NRG4: variants seen among roughly 807,000 people sequenced by gnomAD.
The protein encoded by NRG4 is neuregulin 4.
Under a neutral mutation model 15.0 loss-of-function variants are expected in NRG4, and 10 were observed. The observed-to-expected ratio is 0.67, with a 90% CI of 0.41 to 1.13. The LOEUF (loss-of-function observed/expected upper bound fraction) is 1.13, where lower values mean the gene tolerates loss of function less well. Ranked by LOEUF, NRG4 falls within the 50% of genes most tolerant of loss-of-function variation. The probability of loss-of-function intolerance (pLI) is 0.00; values close to 1 mark genes in which losing one functional copy is unlikely to be tolerated. For missense variants in NRG4, 139 were observed against 140.2 expected (o/e 0.99, Z 0.04); for synonymous variants, 41 against 50.1 (o/e 0.82, Z 0.77).
chr15:75,974,672 G>A (rs1364892691), intron 3 of NRG4, among the ~76,000 whole-genome samples: 1 of 152,164 alleles, frequency 6.6e-6, no homozygotes, highest in African/African-American at 2.4e-5. Context: ...GTGGCTTTGA[G>A]TGAGTTTCTT....
intron 5 of NRG4, among the ~76,000 whole-genome samples, chr15:75,944,924 AAAC>A (rs911309388): frequency 2.6e-5 from 4 of 151,776 alleles, no homozygotes; most frequent in African/African-American, 9.7e-5. Flanking sequence ...TCTTACAAAA[AAAC>A]AACAGTAATT....
intron 5 of NRG4, among the ~76,000 whole-genome samples, chr15:76,017,468 G>T (rs1048121091): frequency 1.6e-4 from 25 of 152,062 alleles, no homozygotes; most frequent in African/African-American, 6.0e-4. Flanking sequence ...TGCAGTGGCT[G>T]TACCAGTTTT....
In NRG4 at chr15:75,963,197, G is replaced by T. The variant is rs751992680; in HGVS notation, c.105-1223C>A. On this transcript the variant is annotated intron_variant, in intron 3 of 5. Coordinates refer to ENST00000394907, the MANE Select transcript of NRG4 (RefSeq NM_138573.4). Reference sequence around the variant, plus strand: ...ATGAACTTCAAGTCCTACTCAATGTGAGGCAGTGATGTGATTGGTGATAGC... The same window carrying T: ...ATGAACTTCAAGTCCTACTCAATGTTAGGCAGTGATGTGATTGGTGATAGC... Among the ~76,000 whole-genome samples, 6 of 152,312 alleles carry T rather than the reference G, an allele frequency of 3.9e-5. No individual in the cohort carries two copies. In the South Asian group the frequency reaches 1.2e-3, roughly 32 times the overall value.
At chr15:75,994,168 T>G (rs1228609388) in intron 3 of NRG4, among the ~76,000 whole-genome samples, 1 of 152,226 alleles carries the variant, frequency 6.6e-6, no homozygotes, top group South Asian at 2.1e-4. Context: ...TTGGCTTAAC[T>G]GAAACTCTAA....
intron 3 of NRG4, among the ~76,000 whole-genome samples, chr15:76,006,635 A>G (rs2034617360): frequency 6.6e-6 from 1 of 152,164 alleles, no homozygotes; most frequent in South Asian, 2.1e-4. Flanking sequence ...CTTGCTATCC[A>G]TCATGAACCC....
intron 5 of NRG4, among the ~76,000 whole-genome samples, chr15:76,020,330 G>C (rs2035114815): frequency 6.6e-6 from 1 of 152,208 alleles, no homozygotes. Flanking sequence ...AAATGATTAA[G>C]TTTAGTGAGG....
chr15:76,027,107 C>T (rs890117467), intron 5 of NRG4, among the ~76,000 whole-genome samples: 19 of 151,956 alleles, frequency 1.3e-4, no homozygotes, highest in Admixed American at 3.3e-4. Flanking sequence ...AGGGACAGAG[C>T]GGGACTCCAT....
At chr15:75,962,158 G>T (rs2032553775) in intron 3 of NRG4, among the ~76,000 whole-genome samples, 184 bp from the exon 4 acceptor site, 1 of 152,118 alleles carries the variant, frequency 6.6e-6, no homozygotes, top group Non-Finnish European at 1.5e-5. Flanking sequence ...ATGCAAATTT[G>T]TTATAATAAA....
At chr15:75,966,341 T>A (rs764162726) in intron 3 of NRG4, among the ~76,000 whole-genome samples, 4 of 152,234 alleles carry the variant, frequency 2.6e-5, no homozygotes, top group Admixed American at 6.5e-5. Context: ...ATTTCCATGC[T>A]TGTTGGCTAT....
At chr15:76,047,173 G>A (rs918010752) in intron 4 of NRG4, among the ~76,000 whole-genome samples, 1 of 150,766 alleles carries the variant, frequency 6.6e-6, no homozygotes, top group Non-Finnish European at 1.5e-5. Flanking sequence ...TACTGTTGGT[G>A]GGAATGTAAA....
At chr15:76,036,860 C>T (rs1203649030) in intron 4 of NRG4, among the ~76,000 whole-genome samples, 1 of 151,876 alleles carries the variant, frequency 6.6e-6, no homozygotes, top group Admixed American at 6.6e-5. Context: ...TACTGTTATT[C>T]GACATAATAC....
downstream of NRG4, chr15:75,937,489 A>G (rs891882112): frequency 7.7e-6 from 1 of 130,246 alleles, no homozygotes; most frequent in African/African-American, 2.9e-5. Context: ...AGCCTGGGCA[A>G]TGGAGCAAGA....
intron 5 of NRG4, among the ~76,000 whole-genome samples, chr15:75,946,847 C>A (rs1030654453): frequency 6.6e-6 from 1 of 152,220 alleles, no homozygotes; most frequent in Non-Finnish European, 1.5e-5. Flanking sequence ...CTTAGCACGT[C>A]TTCAGGATTC....
At chr15:76,014,635 TC>T (rs1167779047), upstream of NRG4, among the ~76,000 whole-genome samples, 1 of 152,230 alleles carries the variant, frequency 6.6e-6, no homozygotes, top group Non-Finnish European at 1.5e-5. Context: ...GTCAGGTTTG[TC>T]AAAGATCAGA....
rs139349373 is a variant in NRG4, at chr15:75,963,857, C to T, written c.105-1883G>A. 1.2e-3 allele frequency among the ~76,000 whole-genome samples: 186 copies of T among 151,520 alleles called. 2 individuals carry two copies. In the East Asian group the frequency reaches 0.032, roughly 26 times the overall value. ...ACTCTGGAGGCTGAGGTGGGAAGAT[C>T]GCTTAAGCCTAGGACTTTGAGGTTG... On this transcript the variant is annotated intron_variant, in intron 3 of 5. Transcript: ENST00000394907.
chr15:75,947,120 T>C (rs894522576), intron 5 of NRG4, among the ~76,000 whole-genome samples: 21 of 152,204 alleles, frequency 1.4e-4, no homozygotes, highest in African/African-American at 4.1e-4. Context: ...CAAGCAAAGC[T>C]ATCTCCAGTA....
intron 4 of NRG4, among the ~76,000 whole-genome samples, chr15:75,956,474 T>A (rs2032249122): frequency 6.6e-6 from 1 of 150,600 alleles, no homozygotes. Context: ...GTACATCAGG[T>A]TTTTCAGTCA....
intron 3 of NRG4, among the ~76,000 whole-genome samples, chr15:75,983,893 A>G (rs2033696498): frequency 6.6e-6 from 1 of 152,218 alleles, no homozygotes; most frequent in Non-Finnish European, 1.5e-5. Flanking sequence ...ATGTTATCCC[A>G]ATATCTATAG....
rs140837252 is a variant in NRG4 at position 75,953,830 on chromosome 15, A to T, written c.331+2102T>A. On this transcript the variant is annotated intron_variant, in intron 5 of 5. Transcript: ENST00000394907. The stretch of plus-strand genomic sequence containing the variant: ...ACCTCCCAGGTAGCTGGGACTACAG[A>T]TATGCACCATCATGCCCAGCTAATT... 8.2e-3 allele frequency among the ~76,000 whole-genome samples: 1,253 copies of T among 152,150 alleles called. 8 individuals are homozygous for T. The highest frequency in any genetic ancestry group is 0.033 in the South Asian group (159 of 4,818).
Sources: allele counts gnomAD v4.1 joint callset (sites outside exome capture counted in the v4.1 genomes callset), GRCh38; gene constraint gnomAD v4.1.1; transcripts MANE v1.5; gene names NCBI Gene and HGNC (gene_info 2026-07-23, HGNC 2026-07-21).